B4GALNT3: variants seen among roughly 807,000 people sequenced by gnomAD.
B4GALNT3 encodes beta-1,4-N-acetylgalactosaminyltransferase 3.
B4GALNT3 carries 86 observed loss-of-function variants against 120.2 expected under a neutral mutation model. The ratio of observed to expected loss-of-function variants is 0.72; its 90% CI spans 0.60 to 0.86. The LOEUF is 0.86. B4GALNT3 is among the 40% of genes least tolerant of loss of function. The probability of loss-of-function intolerance (pLI) is 0.00; values close to 1 mark genes in which losing one functional copy is unlikely to be tolerated. For missense variants in B4GALNT3, 1,167 were observed against 1,298.9 expected, an observed-to-expected ratio of 0.90 and a Z score of 1.56; for synonymous variants, 518 against 510.4, an observed-to-expected ratio of 1.01 and a Z score of -0.20.
At chr12:540,176 G>A (rs1413683572) in intron 3 of B4GALNT3, among the ~76,000 whole-genome samples, 2 of 152,214 alleles carry the variant, frequency 1.3e-5, no homozygotes, top group Non-Finnish European at 2.9e-5. Context: ...TGCTCCTGGA[G>A]GAGGCTGACG....
At chr12:549,723 GCTCCAGGCCACACAGC>G (rs1377689255) in intron 9 of B4GALNT3, 30 bp from the exon 10 acceptor site, 1 of 1,611,782 alleles carries the variant, frequency 6.2e-7, no homozygotes, top group African/African-American at 1.3e-5. Flanking sequence ...GGGCTGCTGC[GCTCCAGGCCACACAGC>G]CTCCTGCTTT....
At chr12:511,489 C>CCTTCCACCTTCTTCCACCTT (rs1946559337) in intron 1 of B4GALNT3, among the ~76,000 whole-genome samples, 1 of 111,836 alleles carries the variant, frequency 8.9e-6, no homozygotes, top group African/African-American at 4.3e-5. Context: ...CCTTCTTCCA[C>CCTTCCACCTTCTTCCACCTT]CTTCCACCTT....
At chr12:544,533 T>G in intron 4 of B4GALNT3, 99 bp downstream of exon 4, 1 of 1,129,904 alleles carries the variant, frequency 8.9e-7, no homozygotes, top group Non-Finnish European at 1.3e-6. Flanking sequence ...TGGTCCATAT[T>G]TTCTCCTTTA....
chr12:483,074 A>AT lies in B4GALNT3; in HGVS notation c.169+22539dup, dbSNP rs200102453. ...AGGTGGATGTCACCTCATCCAGCTA[A>AT]TTTTTTTTTTCCCTTTGGAGAGACA... On this transcript the variant is annotated intron_variant, in intron 1 of 19. Coordinates refer to ENST00000266383, the MANE Select transcript of B4GALNT3 (RefSeq NM_173593.4). 6.0e-3 allele frequency among the ~76,000 whole-genome samples: 899 copies of AT among 149,178 alleles called. 10 individuals are homozygous for AT. Among genetic ancestry groups the AT allele is most frequent in the African/African-American group, 0.021 (839 of 40,538 alleles).
At chr12:557,586 C>T in intron 15 of B4GALNT3, 22 bp from the exon 16 acceptor site, 1 of 1,597,650 alleles carries the variant, frequency 6.3e-7, no homozygotes, top group Non-Finnish European at 8.5e-7. Context: ...GTTTCCTTCT[C>T]CTGCCTGACC....
intron 3 of B4GALNT3, among the ~76,000 whole-genome samples, chr12:538,176 T>C (rs1416160613): frequency 6.6e-6 from 1 of 152,226 alleles, no homozygotes; most frequent in East Asian, 1.9e-4. Flanking sequence ...CATTTATTAA[T>C]AATTAATTTA....
In B4GALNT3 at chr12:533,031, C is replaced by T. The variant is rs77100088; in HGVS notation, c.170-2135C>T. Among the ~76,000 whole-genome samples the T allele has an allele frequency of 3.3e-3, 496 of 152,300 alleles. 2 individuals are homozygous for T. The highest frequency in any genetic ancestry group is 0.011 in the African/African-American group (465 of 41,550). On this transcript the variant is annotated intron_variant, in intron 1 of 19. Coordinates refer to ENST00000266383, the MANE Select transcript of B4GALNT3 (RefSeq NM_173593.4). ...TTCTCTTGAGTAAGAAGTTTTTAGT[C>T]ATAAGAATGAAGATGACCCAGTCAT...
chr12:560,769 C>T (rs1006338942), intron 19 of B4GALNT3, among the ~76,000 whole-genome samples: 1 of 152,206 alleles, frequency 6.6e-6, no homozygotes, highest in Non-Finnish European at 1.5e-5. Context: ...CCTCCTGCCT[C>T]CTCGGAGGCT....
intron 12 of B4GALNT3, 38 bp downstream of exon 12, chr12:552,201 A>C: frequency 6.5e-7 from 1 of 1,543,496 alleles, no homozygotes; most frequent in Non-Finnish European, 9.0e-7. Flanking sequence ...GTGACCTTGC[A>C]GAGGGCTCTG....
chr12:460,220 C>T lies in B4GALNT3; in HGVS notation c.-157C>T. 1.9e-6 allele frequency: 1 copy of T among 516,372 alleles called. No individual in the cohort carries two copies. Among genetic ancestry groups the T allele is most frequent in the Non-Finnish European group, 2.5e-6 (1 of 402,390 alleles). The allele number at this position is 516,372 out of a possible 1,614,324, so 32.0% of individuals were successfully genotyped here. A position where few individuals can be genotyped will look rare whatever the true frequency, so the allele number is the denominator to read the frequency against. ...GACCCCTCGCGCCCGGAGCATGAGC[C>T]CGAGCCCCGCCGGAGAGCGGCCGGG... On this transcript the variant is annotated 5_prime_UTR_variant, in exon 1 of 20. Coordinates refer to ENST00000266383, the MANE Select transcript of B4GALNT3 (RefSeq NM_173593.4). This position sits in a 1 kb window ranked among gnomAD's most constrained non-coding sequence, Gnocchi z 8.0.
rs1435788050 is a variant in B4GALNT3, at chr12:561,275, C to T, written c.2889-68C>T. ...GGGGAGCGAACAGAGGGTCTGTGGT[C>T]GATGGGGAGGGGCCCCCCAGCTGCC... On this transcript the variant is annotated intron_variant, in intron 19 of 19. Transcript: ENST00000266383. 1.7e-5 allele frequency: 20 copies of T among 1,209,934 alleles called. No individual in the cohort carries two copies. The East Asian group carries it at 3.3e-4, about 20-fold the overall frequency. 74.9% of individuals were successfully genotyped at this position (1,209,934 alleles called of 1,614,324 possible). A position where few individuals can be genotyped will look rare whatever the true frequency, so the allele number is the denominator to read the frequency against.
At chr12:546,413 G>T (rs1947009287) in intron 6 of B4GALNT3, among the ~76,000 whole-genome samples, 1 of 152,048 alleles carries the variant, frequency 6.6e-6, no homozygotes, top group South Asian at 2.1e-4. Context: ...GACTCGCGCT[G>T]CAGGTCATCC....
chr12:546,666 C>A lies in B4GALNT3; in HGVS notation c.660C>A (p.Ala220=). The A allele has an allele frequency of 1.3e-6, 2 of 1,551,590 alleles. No homozygotes were observed. The highest frequency in any genetic ancestry group is 1.7e-6 in the Non-Finnish European group (2 of 1,146,906). ...TCTAGACTGGAAAGGAGTGGACCGCCCCGGGAGAGTTTGGGAAATTTCGGA... is the reference window on the plus strand; with the variant it reads ...TCTAGACTGGAAAGGAGTGGACCGCACCGGGAGAGTTTGGGAAATTTCGGA... ...SVGKTGKEWT[A]PGEFGKFRSQ... Residue 220 remains alanine (A), a synonymous_variant, in exon 7 of 20, where the codon GCC becomes GCA. Coordinates refer to ENST00000266383, the MANE Select transcript of B4GALNT3 (RefSeq NM_173593.4).
Position 500,999 on chromosome 12 carries a change from G to A in B4GALNT3, c.170-34167G>A, listed in dbSNP as rs561442888. ...TCTCCTGCCTCAGCCTCAGCCTCCT[G>A]CGTAGCTGGGATTACAGGCTCACCC... On this transcript the variant is annotated intron_variant, in intron 1 of 19. Transcript: ENST00000266383. Among the ~76,000 whole-genome samples, 6 of 150,140 alleles carry A rather than the reference G, an allele frequency of 4.0e-5. No homozygotes were observed. In the South Asian group the frequency reaches 1.3e-3, roughly 32 times the overall value.
chr12:559,196 G>C, intron 18 of B4GALNT3, 99 bp from the exon 19 acceptor site: 1 of 1,518,752 alleles, frequency 6.6e-7, no homozygotes, highest in Admixed American at 1.8e-5. Flanking sequence ...CCCAGCCTCT[G>C]ACTTTCAGAA....
rs537101547 is a variant in B4GALNT3, at chr12:472,562, C to T, written c.169+12017C>T. Among the ~76,000 whole-genome samples the T allele has an allele frequency of 1.7e-4, 26 of 152,234 alleles. No individual in the cohort carries two copies. The East Asian group carries it at 1.9e-3, about 11-fold the overall frequency. ...ACGCCATTCTCCTGCCTCAGCCTCC[C>T]GAGTAGCTGGAACTACAGGTGCCCG... On this transcript the variant is annotated intron_variant, in intron 1 of 19. Coordinates refer to ENST00000266383, the MANE Select transcript of B4GALNT3 (RefSeq NM_173593.4).
At chr12:559,110 A>G (rs1462790899) in intron 18 of B4GALNT3, among the ~76,000 whole-genome samples, 185 bp from the exon 19 acceptor site, 1 of 152,030 alleles carries the variant, frequency 6.6e-6, no homozygotes, top group African/African-American at 2.4e-5. Flanking sequence ...CTGAGCCCTG[A>G]ACCTTAGTTA....
At chr12:543,356 G>A (rs1275860902) in intron 3 of B4GALNT3, among the ~76,000 whole-genome samples, 2 of 151,588 alleles carry the variant, frequency 1.3e-5, no homozygotes, top group Admixed American at 1.3e-4. Flanking sequence ...CGGAGCTGAG[G>A]AGCTGGGGCA....
intron 9 of B4GALNT3, among the ~76,000 whole-genome samples, chr12:549,100 C>A (rs753469218): frequency 6.6e-6 from 1 of 152,182 alleles, no homozygotes; most frequent in Non-Finnish European, 1.5e-5. Context: ...AGACTCCCAT[C>A]CTCAGGCCCC....
Sources: allele counts gnomAD v4.1 joint callset (sites outside exome capture counted in the v4.1 genomes callset), GRCh38; gene constraint gnomAD v4.1.1; non-coding constraint Gnocchi (gnomAD v3.1); transcripts MANE v1.5; gene names NCBI Gene and HGNC (gene_info 2026-07-23, HGNC 2026-07-21).